The following PCDHA4 variants were observed in gnomAD, a reference collection of about 807,000 sequenced individuals.
The protein encoded by PCDHA4 is protocadherin alpha-4.
PCDHA4 carries 49 observed loss-of-function variants against 61.4 expected under a neutral mutation model. The observed-to-expected ratio is 0.80, with a 90% CI of 0.63 to 1.01. The LOEUF (loss-of-function observed/expected upper bound fraction) is 1.01. PCDHA4 is among the 50% of genes least tolerant of loss of function. The pLI is 0.00. For synonymous variants in PCDHA4, 590 were observed against 550.3 expected, an observed-to-expected ratio of 1.07 and a Z score of -1.01; for missense variants, 1,254 against 1,235.8, an observed-to-expected ratio of 1.01 and a Z score of -0.22.
chr5:140,871,438 C>T, intron 1 of PCDHA4: 1 of 1,611,836 alleles, frequency 6.2e-7, no homozygotes. Context: ...TCCTCTAGGT[C>T]TGAATAAAGA....
intron 1 of PCDHA4, among the ~76,000 whole-genome samples, chr5:140,977,050 G>A (rs546385020): frequency 6.6e-6 from 1 of 152,162 alleles, no homozygotes; most frequent in Non-Finnish European, 1.5e-5. Context: ...TGTTGCTGAT[G>A]GACTAGTATA....
chr5:140,836,209 A>T, intron 1 of PCDHA4: 1 of 1,613,782 alleles, frequency 6.2e-7, no homozygotes, highest in Non-Finnish European at 8.5e-7. Context: ...TGGCTTTCGT[A>T]TGAGTTGCAA....
At chr5:140,905,910 A>G (rs2153491860) in intron 1 of PCDHA4, among the ~76,000 whole-genome samples, 1 of 152,334 alleles carries the variant, frequency 6.6e-6, no homozygotes, top group Admixed American at 6.5e-5. Context: ...GGAGCAAGGA[A>G]TCCAATCTGA....
intron 3 of PCDHA4, among the ~76,000 whole-genome samples, chr5:140,993,767 G>A (rs115607244): frequency 3.3e-5 from 5 of 152,010 alleles, no homozygotes; most frequent in Non-Finnish European, 7.4e-5. Context: ...TTACAATTGC[G>A]CAGTATTTTG....
At chr5:140,828,560 G>A (rs2150156766) in intron 1 of PCDHA4, 3 of 1,614,092 alleles carry the variant, frequency 1.9e-6, no homozygotes, top group African/African-American at 1.3e-5. Flanking sequence ...ACTGGAGGGC[G>A]CGTCCGATGC....
intron 1 of PCDHA4, chr5:140,825,966 A>AG: frequency 6.6e-6 from 1 of 152,316 alleles, no homozygotes. Context: ...TACTCTTTTG[A>AG]GGGGAAAAGT....
At chr5:140,910,276 A>G (rs1461426502) in intron 1 of PCDHA4, among the ~76,000 whole-genome samples, 2 of 152,124 alleles carry the variant, frequency 1.3e-5, no homozygotes, top group African/African-American at 4.8e-5. Flanking sequence ...ACTTCTAGGA[A>G]CACCATGATT....
Position 140,842,124 on chromosome 5 carries a change from A to T in PCDHA4, c.2385+32552A>T, listed in dbSNP as rs2150329759. The T allele has an allele frequency of 4.0e-5, 65 of 1,613,768 alleles. 1 individual carries two copies. The highest frequency in any genetic ancestry group is 2.8e-4 in the Admixed American group (17 of 59,988). The stretch of plus-strand genomic sequence containing the variant: ...ACAGTTATCAAACTGAATGCTTCTG[A>T]TCCGGATGAAGGAGCCAATGGGGCA... On this transcript the variant is annotated intron_variant, in intron 1 of 3. Coordinates refer to ENST00000530339, the MANE Select transcript of PCDHA4 (RefSeq NM_018907.4).
intron 1 of PCDHA4, chr5:140,828,675 TA>T: frequency 6.2e-7 from 1 of 1,614,212 alleles, no homozygotes; most frequent in Non-Finnish European, 8.5e-7. Context: ...ATTGGGCTCT[TA>T]TTAAAGAAAT....
intron 1 of PCDHA4, chr5:140,823,277 G>C (rs2150124312): frequency 6.2e-7 from 1 of 1,612,322 alleles, no homozygotes; most frequent in South Asian, 1.1e-5. Context: ...GTGGGCGAGC[G>C]CCCGCTGTCG....
At chr5:140,926,650 T>G (rs1014447499) in intron 1 of PCDHA4, 13 of 487,778 alleles carry the variant, frequency 2.7e-5, no homozygotes, top group Middle Eastern at 5.5e-4. Flanking sequence ...CCCGGCCGGC[T>G]CCGCTTTCCC....
chr5:140,869,670 T>G, intron 1 of PCDHA4: 1 of 1,613,470 alleles, frequency 6.2e-7, no homozygotes, highest in Non-Finnish European at 8.5e-7. Context: ...GTAAGCAGAT[T>G]AAAAGACTGT....
rs2095730579 is a variant in PCDHA4 at position 140,963,035 on chromosome 5, T to C, written c.2386-15914T>C. Among the ~76,000 whole-genome samples, 3 of 152,330 alleles carry C rather than the reference T, an allele frequency of 2.0e-5. No individual in the cohort carries two copies. The South Asian group carries it at 6.2e-4, about 32-fold the overall frequency. On this transcript the variant is annotated intron_variant, in intron 1 of 3. Transcript: ENST00000530339. ...AAGAAAATGAAGCAATTAACATTTA[T>C]TGAGAGTCTATAAGGGTTTCTACAT...
Position 140,871,315 on chromosome 5 carries a change from CT to C in PCDHA4, c.2385+61744del, listed in dbSNP as rs1352668242. On this transcript the variant is annotated intron_variant, in intron 1 of 3. Transcript: ENST00000530339. ...CGCGTGCGCGCCGGGGAAGCCCACGCTGGTGTGCTCCCGCGCGGTGGGGAGC... is the reference window on the plus strand; with the variant it reads ...CGCGTGCGCGCCGGGGAAGCCCACGCGGTGTGCTCCCGCGCGGTGGGGAGC... The C allele has an allele frequency of 8.1e-6, 13 of 1,613,928 alleles. No homozygotes were observed. In the Admixed American group the frequency reaches 2.0e-4, roughly 25 times the overall value.
chr5:140,952,496 G>A (rs2094755026), intron 1 of PCDHA4, among the ~76,000 whole-genome samples: 1 of 152,112 alleles, frequency 6.6e-6, no homozygotes, highest in Non-Finnish European at 1.5e-5. Flanking sequence ...CCAGTCCTCA[G>A]TAAGTTCCTC....
intron 1 of PCDHA4, among the ~76,000 whole-genome samples, chr5:140,915,719 T>C (rs545655335): frequency 6.6e-6 from 1 of 152,074 alleles, no homozygotes; most frequent in African/African-American, 2.4e-5. Context: ...GCCCCCACTT[T>C]GGATTGTGCT....
At chr5:141,008,015 T>C (rs2098356412) in intron 3 of PCDHA4, among the ~76,000 whole-genome samples, 1 of 152,088 alleles carries the variant, frequency 6.6e-6, no homozygotes. Flanking sequence ...TTCTGTTTCC[T>C]TTTTTTTCTT....
rs782212623 is a variant in PCDHA4 at position 140,927,250 on chromosome 5, A to G, written c.2386-51699A>G. On this transcript the variant is annotated intron_variant, in intron 1 of 3. Coordinates refer to ENST00000530339, the MANE Select transcript of PCDHA4 (RefSeq NM_018907.4). ...GATTCACGTCCTGGACACCAATGACAACTCACCTCTCTTTCCTGCCGGCGA... is the reference window on the plus strand; with the variant it reads ...GATTCACGTCCTGGACACCAATGACGACTCACCTCTCTTTCCTGCCGGCGA... 1.9e-6 allele frequency: 3 copies of G among 1,614,046 alleles called. 1 individual carries two copies. The highest frequency in any genetic ancestry group is 2.5e-6 in the Non-Finnish European group (3 of 1,180,004).
chr5:140,872,203 T>C (rs2053540668), intron 1 of PCDHA4, among the ~76,000 whole-genome samples: 1 of 152,208 alleles, frequency 6.6e-6, no homozygotes, highest in Non-Finnish European at 1.5e-5. Context: ...CATCATAAAT[T>C]CATTATATAT....
Sources: gnomAD v4.1 joint callset for allele counts (sites outside exome capture counted in the v4.1 genomes callset) on GRCh38, gnomAD v4.1.1 for gene constraint, MANE v1.5 for transcripts, NCBI Gene and HGNC (gene_info 2026-07-23, HGNC 2026-07-21) for gene names.